RASGRF2: variants seen among roughly 807,000 people sequenced by gnomAD.
RASGRF2 encodes the protein Ras protein specific guanine nucleotide releasing factor 2, also known as ras-specific guanine nucleotide-releasing factor 2.
A neutral mutation model predicts 151.0 loss-of-function variants in RASGRF2; 76 were observed. The ratio of observed to expected loss-of-function variants is 0.50; its 90% confidence interval spans 0.42 to 0.61. The LOEUF is 0.61. Among genes scored for constraint, RASGRF2 ranks in the 20% least tolerant of loss-of-function variants. The pLI is 0.00. For missense variants in RASGRF2, 1,148 were observed against 1,564.6 expected (o/e 0.73, Z 4.49); for synonymous variants, 504 against 566.5 (o/e 0.89, Z 1.57).
chr5:81,134,079 C>CGTGCGTGTGT (rs1554036798), intron 17 of RASGRF2, among the ~76,000 whole-genome samples: 1 of 143,702 alleles, frequency 7.0e-6, no homozygotes, highest in South Asian at 2.3e-4. Context: ...TGCTTGTGTG[C>CGTGCGTGTGT]GTGTGTGTGT....
chr5:81,085,761 A>T, intron 7 of RASGRF2, 41 bp from the exon 8 acceptor site: 1 of 1,613,058 alleles, frequency 6.2e-7, no homozygotes, highest in Non-Finnish European at 8.5e-7. Flanking sequence ...CCTGTCACCC[A>T]TCCTGATGTC....
At chr5:81,060,062 C>T (rs1431682143) in intron 2 of RASGRF2, among the ~76,000 whole-genome samples, 1 of 152,064 alleles carries the variant, frequency 6.6e-6, no homozygotes, top group African/African-American at 2.4e-5. Flanking sequence ...GAGAAGATGC[C>T]ACACATTTTT....
At chr5:81,094,257 G>C (rs1450428506) in intron 10 of RASGRF2, 39 bp from the exon 11 acceptor site, 3 of 1,527,048 alleles carry the variant, frequency 2.0e-6, no homozygotes, top group Non-Finnish European at 2.7e-6. Context: ...ATCTACACAA[G>C]ACCTTCAGCG....
chr5:81,187,748 T>C (rs929704832), intron 18 of RASGRF2, among the ~76,000 whole-genome samples: 2 of 152,172 alleles, frequency 1.3e-5, no homozygotes, highest in East Asian at 3.9e-4. Context: ...GGCCTCTACT[T>C]AGTGTGCTCA....
At chr5:81,018,825 C>CA (rs1749728067) in intron 1 of RASGRF2, among the ~76,000 whole-genome samples, 1 of 136,360 alleles carries the variant, frequency 7.3e-6, no homozygotes, top group Non-Finnish European at 1.5e-5. Context: ...TTTTTTGAGA[C>CA]AGAGTCTCAC....
At chr5:81,039,749 CAT>C (rs10541824) in intron 1 of RASGRF2, among the ~76,000 whole-genome samples, 26,535 of 152,008 alleles carry the variant, frequency 0.17, 2,460 homozygotes, top group Admixed American at 0.26. Context: ...AGAAAAACCA[CAT>C]GATTATATTT....
intron 12 of RASGRF2, among the ~76,000 whole-genome samples, chr5:81,103,889 A>G (rs1042147996): frequency 6.6e-6 from 1 of 152,164 alleles, no homozygotes; most frequent in Non-Finnish European, 1.5e-5. Context: ...ATAGCAGTTA[A>G]TATGAATGAA....
chr5:81,026,200 TTTC>T (rs1750024954), intron 1 of RASGRF2, among the ~76,000 whole-genome samples: 1 of 151,010 alleles, frequency 6.6e-6, no homozygotes, highest in South Asian at 2.1e-4. Context: ...TTTTCCTTCC[TTTC>T]TTCTTCCTCC....
At chr5:81,199,423 A>T (rs1755338120) in intron 18 of RASGRF2, among the ~76,000 whole-genome samples, 1 of 152,212 alleles carries the variant, frequency 6.6e-6, no homozygotes, top group African/African-American at 2.4e-5. Context: ...GGGGATGGTA[A>T]CTTTGATCAC....
chr5:80,987,419 C>T (rs1387565385), intron 1 of RASGRF2, among the ~76,000 whole-genome samples: 1 of 152,168 alleles, frequency 6.6e-6, no homozygotes, highest in East Asian at 1.9e-4. Context: ...TAGACCTCCC[C>T]ATCATCGTTT....
At chr5:81,021,559 CGTGTGTGT>C (rs34148067) in intron 1 of RASGRF2, among the ~76,000 whole-genome samples, 2 of 150,058 alleles carry the variant, frequency 1.3e-5, no homozygotes, top group Non-Finnish European at 3.0e-5. Flanking sequence ...ATTGTGCGAG[CGTGTGTGT>C]GTGTGTGTGT....
At chr5:81,018,056 C>G (rs572532678) in intron 1 of RASGRF2, among the ~76,000 whole-genome samples, 1 of 152,006 alleles carries the variant, frequency 6.6e-6, no homozygotes, top group Admixed American at 6.5e-5. Context: ...TTGCAGTGAG[C>G]CAAGATCGCG....
chr5:80,967,126 C>T (rs187787843), intron 1 of RASGRF2, among the ~76,000 whole-genome samples: 5 of 152,290 alleles, frequency 3.3e-5, no homozygotes, highest in Admixed American at 6.5e-5. Context: ...TAGTGGCTCA[C>T]GCCTATAATC....
chr5:81,042,228 C>T (rs1750699458), intron 1 of RASGRF2, among the ~76,000 whole-genome samples: 1 of 152,206 alleles, frequency 6.6e-6, no homozygotes, highest in Non-Finnish European at 1.5e-5. Context: ...TTACATTACA[C>T]CTCTGCCAAA....
chr5:81,192,543 C>T (rs976139344), intron 18 of RASGRF2, among the ~76,000 whole-genome samples: 3 of 152,210 alleles, frequency 2.0e-5, no homozygotes, highest in Admixed American at 1.3e-4. Context: ...GTGGCGCCGA[C>T]GCAGGCAGGC....
At chr5:81,148,845 T>G (rs1754065503) in intron 17 of RASGRF2, among the ~76,000 whole-genome samples, 1 of 151,728 alleles carries the variant, frequency 6.6e-6, no homozygotes, top group South Asian at 2.1e-4. Context: ...TAAAATAAAA[T>G]AAGAAGAAGA....
intron 1 of RASGRF2, among the ~76,000 whole-genome samples, chr5:80,987,426 G>A (rs1748507148): frequency 6.6e-6 from 1 of 152,112 alleles, no homozygotes. Context: ...CCCCATCATC[G>A]TTTTAAAATA....
At chr5:81,046,025 C>G (rs1750824369) in intron 2 of RASGRF2, among the ~76,000 whole-genome samples, 1 of 152,146 alleles carries the variant, frequency 6.6e-6, no homozygotes, top group Non-Finnish European at 1.5e-5. Flanking sequence ...GTACTGCTGC[C>G]TTTCTAATAT....
At position 81,228,973 on chromosome 5, in the gene RASGRF2, T is replaced by C. The variant is rs1385204748; in HGVS notation, c.*3203T>C. ...CCTGGAAGAGAAAAATCCATTATGG[T>C]CCCATGTGGAGTGAATAATGATGGA... On this transcript the variant is annotated 3_prime_UTR_variant, in exon 27 of 27. Coordinates refer to ENST00000265080, the MANE Select transcript of RASGRF2 (RefSeq NM_006909.3). The C allele has an allele frequency of 6.6e-6, 1 of 152,140 alleles. No homozygotes were observed. 9.4% of individuals were successfully genotyped at this position (152,140 alleles called of 1,614,324 possible). A position where few individuals can be genotyped will look rare whatever the true frequency, so the allele number is the denominator to read the frequency against.
Sources: gnomAD v4.1 joint callset for allele counts (sites outside exome capture counted in the v4.1 genomes callset) on GRCh38, gnomAD v4.1.1 for gene constraint, MANE v1.5 for transcripts, NCBI Gene and HGNC (gene_info 2026-07-23, HGNC 2026-07-21) for gene names.